Variants in KCNK13 observed in about 807,000 individuals in gnomAD.
KCNK13 encodes the protein potassium two pore domain channel subfamily K member 13.
In KCNK13, 12 loss-of-function variants were observed where a neutral mutation model predicts 23.4. That is an observed-to-expected ratio of 0.51 (90% confidence interval 0.33 to 0.83). The LOEUF is 0.83. KCNK13 is among the 40% of genes least tolerant of loss of function. The probability of loss-of-function intolerance (pLI) is 0.02; values close to 1 mark genes in which losing one functional copy is unlikely to be tolerated. For synonymous variants in KCNK13, 231 were observed against 229.5 expected (o/e 1.01, Z -0.06); for missense variants, 463 against 556.3 (o/e 0.83, Z 1.69).
intron 1 of KCNK13, among the ~76,000 whole-genome samples, chr14:90,156,388 G>A (rs1051810906): frequency 6.6e-6 from 1 of 151,954 alleles, no homozygotes; most frequent in Non-Finnish European, 1.5e-5. Context: ...CTGAGAACGA[G>A]AAGACAGTGA....
chr14:90,087,502 G>T (rs1889294963), intron 1 of KCNK13, among the ~76,000 whole-genome samples: 1 of 152,090 alleles, frequency 6.6e-6, no homozygotes, highest in Non-Finnish European at 1.5e-5. Context: ...CCAAGGTTAG[G>T]CTAGTTTTGA....
chr14:90,164,282 T>G (rs2140439910), intron 1 of KCNK13, among the ~76,000 whole-genome samples: 1 of 152,350 alleles, frequency 6.6e-6, no homozygotes, highest in South Asian at 2.1e-4. Flanking sequence ...AAGTTACAAC[T>G]TCTTTCTGAC....
At chr14:90,116,481 G>T (rs1384313391) in intron 1 of KCNK13, among the ~76,000 whole-genome samples, 1 of 152,158 alleles carries the variant, frequency 6.6e-6, no homozygotes, top group Non-Finnish European at 1.5e-5. Flanking sequence ...AGTTCCGTGT[G>T]CCCTGTTGGC....
At chr14:90,112,913 A>T (rs1294598113) in intron 1 of KCNK13, among the ~76,000 whole-genome samples, 1 of 139,172 alleles carries the variant, frequency 7.2e-6, no homozygotes, top group African/African-American at 2.7e-5. Context: ...TGTTGAAAAG[A>T]TTTTTTTTTT....
intron 1 of KCNK13, among the ~76,000 whole-genome samples, chr14:90,163,029 G>A (rs1330950220): frequency 1.3e-5 from 2 of 152,192 alleles, no homozygotes; most frequent in Non-Finnish European, 2.9e-5. Flanking sequence ...GAAAAATGTA[G>A]GCAATGAAGC....
chr14:90,160,321 A>G (rs568652688), intron 1 of KCNK13, among the ~76,000 whole-genome samples: 48 of 152,280 alleles, frequency 3.2e-4, no homozygotes, highest in Non-Finnish European at 5.3e-4. Context: ...AAACTCGTCT[A>G]GAAGACTCAA....
At chr14:90,101,806 A>AAAAAAAAAAAC (rs1566951708) in intron 1 of KCNK13, among the ~76,000 whole-genome samples, 2 of 144,490 alleles carry the variant, frequency 1.4e-5, no homozygotes, top group African/African-American at 5.1e-5. Flanking sequence ...AAAAAAAAAA[A>AAAAAAAAAAAC]AAAAAACCTC....
At chr14:90,163,809 C>T (rs891124665) in intron 1 of KCNK13, among the ~76,000 whole-genome samples, 1 of 152,188 alleles carries the variant, frequency 6.6e-6, no homozygotes, top group African/African-American at 2.4e-5. Context: ...CCTCCCTCTG[C>T]CTCCCGAGTA....
intron 1 of KCNK13, among the ~76,000 whole-genome samples, chr14:90,182,136 T>C (rs1237444336): frequency 6.6e-6 from 1 of 152,220 alleles, no homozygotes; most frequent in African/African-American, 2.4e-5. Flanking sequence ...TTCCATCCCA[T>C]CTAGCTCAAA....
intron 1 of KCNK13, among the ~76,000 whole-genome samples, chr14:90,067,358 C>G (rs1350589861): frequency 6.6e-6 from 1 of 152,110 alleles, no homozygotes; most frequent in Non-Finnish European, 1.5e-5. Flanking sequence ...AAGCCAGACA[C>G]AGAAGGACAA....
rs1185459217 is a variant in KCNK13 at position 90,080,567 on chromosome 14, A to C, written c.334+18028A>C. On this transcript the variant is annotated intron_variant, in intron 1 of 1. Transcript: ENST00000282146. ...CAAAAAAAAATGTTTTATTGTTACT[A>C]TCTTAGGAGGATGGGATCAGGAATA... Among the ~76,000 whole-genome samples the C allele has an allele frequency of 1.3e-5, 2 of 152,188 alleles. 1 individual carries two copies. Among genetic ancestry groups the C allele is most frequent in the South Asian group, 4.1e-4 (2 of 4,830 alleles).
chr14:90,158,450 G>C (rs1890218516), intron 1 of KCNK13, among the ~76,000 whole-genome samples: 1 of 152,272 alleles, frequency 6.6e-6, no homozygotes. Flanking sequence ...ACCTGGCCCA[G>C]GCCTTGACCT....
chr14:90,101,016 C>T (rs1480177356), intron 1 of KCNK13, among the ~76,000 whole-genome samples: 1 of 152,098 alleles, frequency 6.6e-6, no homozygotes, highest in Non-Finnish European at 1.5e-5. Context: ...TTGAGTCAAG[C>T]AGATGCTTCC....
chr14:90,072,003 G>A (rs1889081103), intron 1 of KCNK13, among the ~76,000 whole-genome samples: 1 of 152,106 alleles, frequency 6.6e-6, no homozygotes, highest in Non-Finnish European at 1.5e-5. Context: ...ATTAGAGGAG[G>A]ACATTTCTGT....
chr14:90,081,996 G>T (rs915025078), intron 1 of KCNK13, among the ~76,000 whole-genome samples: 5 of 151,992 alleles, frequency 3.3e-5, no homozygotes, highest in Admixed American at 6.6e-5. Context: ...TGAAGCTCTT[G>T]CCAGAAGCCA....
rs546423368 is a variant in KCNK13 at position 90,101,790 on chromosome 14, C to CAAAAAAA, written c.334+39267_334+39273dup. 5.2e-3 allele frequency among the ~76,000 whole-genome samples: 289 copies of CAAAAAAA among 55,564 alleles called. 12 individuals carry two copies. The highest frequency in any genetic ancestry group is 9.5e-3 in the African/African-American group (144 of 15,150). 36.5% of individuals were successfully genotyped at this position (55,564 alleles called of 152,430 possible). Reference sequence around the variant, plus strand: ...GGGCAACAGAGTGAGACTCCGTCTCCAAAAAAAAAAAAAAAAAAAAAACCT... The same window carrying CAAAAAAA: ...GGGCAACAGAGTGAGACTCCGTCTCCAAAAAAAAAAAAAAAAAAAAAAAAAAAAACCT... On this transcript the variant is annotated intron_variant, in intron 1 of 1. Coordinates refer to ENST00000282146, the MANE Select transcript of KCNK13 (RefSeq NM_022054.4).
At chr14:90,157,208 C>T (rs745523403) in intron 1 of KCNK13, among the ~76,000 whole-genome samples, 2 of 152,114 alleles carry the variant, frequency 1.3e-5, no homozygotes, top group East Asian at 3.8e-4. Flanking sequence ...TTTTGACATA[C>T]TTTGATAATT....
intron 1 of KCNK13, among the ~76,000 whole-genome samples, chr14:90,118,901 T>G (rs555430577): frequency 1.3e-4 from 20 of 152,226 alleles, no homozygotes; most frequent in Middle Eastern, 3.4e-3. Flanking sequence ...CTAGCTAGAC[T>G]AATAAAGAAG....
chr14:90,114,098 C>T (rs1437721408), intron 1 of KCNK13, among the ~76,000 whole-genome samples: 2 of 152,188 alleles, frequency 1.3e-5, no homozygotes, highest in Non-Finnish European at 2.9e-5. Context: ...CTCAAATTTT[C>T]GTTGCAGCTC....
Sources: allele counts gnomAD v4.1 joint callset (sites outside exome capture counted in the v4.1 genomes callset), GRCh38; gene constraint gnomAD v4.1.1; transcripts MANE v1.5; gene names NCBI Gene and HGNC (gene_info 2026-07-23, HGNC 2026-07-21).